Variants in TSPAN16 observed in about 807,000 individuals in gnomAD.
The protein encoded by TSPAN16 is tetraspanin-16.
Under a neutral mutation model 25.2 loss-of-function variants are expected in TSPAN16, and 23 were observed. The observed-to-expected ratio is 0.91, with a 90% CI of 0.66 to 1.29. The LOEUF is 1.29. TSPAN16 is among the 50% of genes most tolerant of loss of function. The pLI is 0.00. For synonymous variants in TSPAN16, 123 were observed against 124.4 expected, an observed-to-expected ratio of 0.99 and a Z score of 0.08; for missense variants, 272 against 299.9, an observed-to-expected ratio of 0.91 and a Z score of 0.69.
intron 5 of TSPAN16, among the ~76,000 whole-genome samples, chr19:11,309,536 T>G (rs1333405936): frequency 2.0e-5 from 3 of 152,256 alleles, no homozygotes; most frequent in Non-Finnish European, 4.4e-5. Flanking sequence ...CACGTCTTCC[T>G]ACCTCTCAAG....
chr19:11,316,806 C>G (rs553620994), downstream of TSPAN16, among the ~76,000 whole-genome samples: 1 of 139,678 alleles, frequency 7.2e-6, no homozygotes, highest in Admixed American at 7.3e-5. Context: ...CAAGACCCCC[C>G]CCGCCTTTTT....
chr19:11,301,189 C>T lies in TSPAN16; in HGVS notation c.343-12C>T. The T allele has an allele frequency of 6.2e-7, 1 of 1,611,320 alleles. No individual in the cohort carries two copies. The highest frequency in any genetic ancestry group is 8.5e-7 in the Non-Finnish European group (1 of 1,177,608). ...AGTTGGGGTACTGATCACTTCCTGT[C>T]CTCTCTGTGAGGTTGGAGATGTGGC... On this transcript the variant is annotated splice_polypyrimidine_tract_variant and intron_variant, in intron 3 of 6. Transcript: ENST00000590327.
intron 5 of TSPAN16, 125 bp downstream of exon 5, chr19:11,306,881 T>C: frequency 1.0e-6 from 1 of 961,186 alleles, no homozygotes; most frequent in Non-Finnish European, 1.5e-6. Flanking sequence ...AGTGGTGCGA[T>C]CTCGGCTCAC....
intron 3 of TSPAN16, 74 bp downstream of exon 3, chr19:11,299,020 C>T: frequency 6.8e-7 from 1 of 1,461,000 alleles, no homozygotes; most frequent in East Asian, 2.3e-5. Context: ...TGGCTCACGC[C>T]TCTAATCCCA....
intron 4 of TSPAN16, 44 bp from the exon 5 acceptor site, chr19:11,306,559 AT>A (rs765805747): frequency 6.2e-7 from 1 of 1,609,508 alleles, no homozygotes; most frequent in Non-Finnish European, 8.5e-7. Flanking sequence ...TGATGTTTTT[AT>A]TATTTGAAAG....
chr19:11,325,431 A>T (rs755862628), intron 6 of TSPAN16: 1 of 1,604,828 alleles, frequency 6.2e-7, no homozygotes, highest in South Asian at 1.1e-5. Context: ...GGGGGGCTGG[A>T]GCATCCCCCA....
Position 11,302,660 on chromosome 19 carries a change from C to CATATATATATTAT in TSPAN16, c.450+1362_450+1363insTATATATATATAT, listed in dbSNP as rs1320880788. Among the ~76,000 whole-genome samples the CATATATATATTAT allele has an allele frequency of 2.2e-3, 220 of 97,810 alleles. 1 individual carries two copies. The highest frequency in any genetic ancestry group is 0.011 in the African/African-American group (211 of 19,008). 64.2% of individuals were successfully genotyped at this position (97,810 alleles called of 152,430 possible). A position where few individuals can be genotyped will look rare whatever the true frequency, so the allele number is the denominator to read the frequency against. On this transcript the variant is annotated intron_variant, in intron 4 of 6. Coordinates refer to ENST00000590327, the MANE Select transcript of TSPAN16 (RefSeq NM_001282509.2). The stretch of plus-strand genomic sequence containing the variant: ...ACACATACATATATATATACACATA[C>CATATATATATTAT]ATATATATATATATATATACACACA...
At chr19:11,320,138 T>TTTTTTTTTTA (rs2080769662), downstream of TSPAN16, among the ~76,000 whole-genome samples, 4 of 149,044 alleles carry the variant, frequency 2.7e-5, no homozygotes, top group African/African-American at 7.4e-5. Context: ...TTTTTTTTTT[T>TTTTTTTTTTA]GAGACGGAGT....
At chr19:11,316,967 C>G (rs899891591), downstream of TSPAN16, among the ~76,000 whole-genome samples, 1 of 150,352 alleles carries the variant, frequency 6.7e-6, no homozygotes, top group Admixed American at 6.8e-5. Context: ...CCTGCCACCA[C>G]GCCTGGCTAA....
Position 11,315,060 on chromosome 19 carries a change from A to T in TSPAN16, c.688-731A>T, listed in dbSNP as rs185053973. Among the ~76,000 whole-genome samples, 507 of 150,616 alleles carry T rather than the reference A, an allele frequency of 3.4e-3. 3 individuals carry two copies. Among genetic ancestry groups the T allele is most frequent in the African/African-American group, 0.012 (489 of 40,960 alleles). ...AGACCAGCCTGACCAACATGGTGAA[A>T]CCCCATCTCTACTAAAAATACAAAA... On this transcript the variant is annotated intron_variant, in intron 6 of 6. Coordinates refer to ENST00000590327, the MANE Select transcript of TSPAN16 (RefSeq NM_001282509.2).
downstream of TSPAN16, among the ~76,000 whole-genome samples, chr19:11,316,801 C>T (rs1018447921): frequency 7.9e-5 from 11 of 139,338 alleles, no homozygotes; most frequent in African/African-American, 2.6e-4. Context: ...CATAGCAAGA[C>T]CCCCCCCGCC....
At chr19:11,296,480 G>A (rs2080479529) in intron 1 of TSPAN16, 114 bp downstream of exon 1, 2 of 1,064,544 alleles carry the variant, frequency 1.9e-6, no homozygotes, top group Non-Finnish European at 1.4e-6. Context: ...GTGGTTCCCT[G>A]GAGAAGCAGG....
At chr19:11,316,113 GTGTGGTTTTTTTTTTT>G (rs958193629), downstream of TSPAN16, 67 of 311,790 alleles carry the variant, frequency 2.1e-4, no homozygotes, top group Non-Finnish European at 2.6e-4. Context: ...GTGTGTGTGT[GTGTGGTTTTTTTTTTT>G]TTTTCCTTTT....
downstream of TSPAN16, among the ~76,000 whole-genome samples, chr19:11,320,498 C>T: frequency 6.6e-6 from 1 of 151,738 alleles, no homozygotes; most frequent in Non-Finnish European, 1.5e-5. Flanking sequence ...GGCAACATAG[C>T]AAGATCCCAT....
In TSPAN16 at chr19:11,296,187, C is replaced by G; in HGVS notation, c.-111C>G. Reference sequence around the variant, plus strand: ...GCAGCCAGGACACAGAGGGGCAGAGCAAGTCAGCATTGGCGCCCCTTCCTC... The same window carrying G: ...GCAGCCAGGACACAGAGGGGCAGAGGAAGTCAGCATTGGCGCCCCTTCCTC... On this transcript the variant is annotated 5_prime_UTR_variant, in exon 1 of 7. Transcript: ENST00000590327. The G allele has an allele frequency of 8.8e-7, 1 of 1,133,952 alleles. No homozygotes were observed. Among genetic ancestry groups the G allele is most frequent in the South Asian group, 1.4e-5 (1 of 71,368 alleles). 70.2% of individuals were successfully genotyped at this position (1,133,952 alleles called of 1,614,324 possible). A position where few individuals can be genotyped will look rare whatever the true frequency, so the allele number is the denominator to read the frequency against.
At chr19:11,304,058 A>T (rs2080599376) in intron 4 of TSPAN16, among the ~76,000 whole-genome samples, 1 of 151,744 alleles carries the variant, frequency 6.6e-6, no homozygotes, top group South Asian at 2.1e-4. Context: ...CTGGGATTAC[A>T]GGTGTGAGCC....
In TSPAN16 at chr19:11,301,230, C is replaced by T. The variant is rs1262027339; in HGVS notation, c.372C>T (p.Phe124=). The change falls in exon 4 of 7, where the codon TTC becomes TTT. Residue 124 remains phenylalanine (F), a synonymous_variant. Transcript: ENST00000590327. The stretch of plus-strand genomic sequence containing the variant: ...GAGATGTGGCCTTGGAACACACCTT[C>T]GTGACCCTGAGGAAGAATTACAGAG... The part of the protein sequence containing the change: ...IVGDVALEHT[F]VTLRKNYRGY... The T allele has an allele frequency of 8.1e-6, 13 of 1,613,800 alleles. No individual in the cohort carries two copies. Among genetic ancestry groups the T allele is most frequent in the African/African-American group, 1.3e-5 (1 of 74,848 alleles).
At position 11,296,357 on chromosome 19, in the gene TSPAN16, C is replaced by T; in HGVS notation, c.60C>T (p.Gly20=). Residue 20 remains glycine, a synonymous_variant, in exon 1 of 7, where the codon GGC becomes GGT. Coordinates refer to ENST00000590327, the MANE Select transcript of TSPAN16 (RefSeq NM_001282509.2). ...AGAAACTGTTATCTTTACTCAATGG[C>T]TTCGTGGCTGTAAGTATGTCACAAT... The part of the protein sequence containing the change: ...SLKKLLSLLN[G]FVAVSGIILV... The T allele has an allele frequency of 6.2e-7, 1 of 1,614,164 alleles. No individual in the cohort carries two copies. Among genetic ancestry groups the T allele is most frequent in the African/African-American group, 1.3e-5 (1 of 75,058 alleles).
chr19:11,322,229 C>G (rs1260370144), intron 6 of TSPAN16: 1 of 151,974 alleles, frequency 6.6e-6, no homozygotes, highest in African/African-American at 2.4e-5. Flanking sequence ...GAGCCGGTAG[C>G]AGAATTATCC....
Sources: allele counts gnomAD v4.1 joint callset (sites outside exome capture counted in the v4.1 genomes callset), GRCh38; gene constraint gnomAD v4.1.1; transcripts MANE v1.5; gene names NCBI Gene and HGNC (gene_info 2026-07-23, HGNC 2026-07-21).